ROBO1: variants seen among roughly 807,000 people sequenced by gnomAD.
ROBO1 encodes roundabout guidance receptor 1.
ROBO1 carries 149 observed loss-of-function variants against 195.9 expected under a neutral mutation model. The observed-to-expected ratio is 0.76, with a 90% CI of 0.67 to 0.87. ROBO1 has a LOEUF of 0.87. ROBO1 is among the 40% of genes least tolerant of loss of function. ROBO1 has a pLI of 0.00. For missense variants in ROBO1, 1,933 were observed against 2,068.3 expected (o/e 0.93, Z 1.27); for synonymous variants, 816 against 733.2 (o/e 1.11, Z -1.82).
intron 2 of ROBO1, among the ~76,000 whole-genome samples, chr3:79,323,429 A>T (rs902917788): frequency 2.0e-5 from 3 of 152,140 alleles, no homozygotes; most frequent in African/African-American, 7.2e-5. Context: ...GAGGTGATAT[A>T]TCTGCACTAA....
intron 3 of ROBO1, chr3:79,018,675 T>C (rs2078019642): frequency 7.3e-7 from 1 of 1,378,420 alleles, no homozygotes; most frequent in Non-Finnish European, 9.4e-7. Flanking sequence ...CCAAGGTTTG[T>C]CTTCTCCGGC....
At chr3:79,424,112 G>T (rs1309629075) in intron 2 of ROBO1, among the ~76,000 whole-genome samples, 1 of 152,070 alleles carries the variant, frequency 6.6e-6, no homozygotes, top group Non-Finnish European at 1.5e-5. Context: ...ATGGCTGCAT[G>T]CGGGTAAAGA....
chr3:79,606,853 G>A (rs1944502335), intron 1 of ROBO1, among the ~76,000 whole-genome samples: 1 of 151,786 alleles, frequency 6.6e-6, no homozygotes, highest in Non-Finnish European at 1.5e-5. Flanking sequence ...AAAAGATTAT[G>A]TATTCCTGAA....
Position 78,884,117 on chromosome 3 carries a change from C to T in ROBO1, c.499+54484G>A, listed in dbSNP as rs138623553. On this transcript the variant is annotated intron_variant, in intron 4 of 30. Transcript: ENST00000464233. The stretch of plus-strand genomic sequence containing the variant: ...GCTGACACATGGTAGCCACTCAATA[C>T]ATTTTTTAAAAAATGAACAGTTAGA... Among the ~76,000 whole-genome samples, 939 of 152,178 alleles carry T rather than the reference C, an allele frequency of 6.2e-3. 11 individuals are homozygous for T. Among genetic ancestry groups the T allele is most frequent in the Middle Eastern group, 0.034 (10 of 294 alleles).
At chr3:79,181,988 A>C (rs1447864391) in intron 2 of ROBO1, among the ~76,000 whole-genome samples, 1 of 150,154 alleles carries the variant, frequency 6.7e-6, no homozygotes, top group African/African-American at 2.4e-5. Flanking sequence ...TATATATTTT[A>C]TTCACTTTTA....
intron 3 of ROBO1, among the ~76,000 whole-genome samples, chr3:79,001,559 G>A (rs1282791561): frequency 6.6e-6 from 1 of 152,156 alleles, no homozygotes; most frequent in East Asian, 1.9e-4. Flanking sequence ...CCCAGTAAAG[G>A]TTATATAAAT....
At chr3:79,310,203 G>T (rs1472115893) in intron 2 of ROBO1, among the ~76,000 whole-genome samples, 1 of 152,150 alleles carries the variant, frequency 6.6e-6, no homozygotes, top group Admixed American at 6.6e-5. Flanking sequence ...TAACATGTCT[G>T]TCTTAATTAG....
chr3:79,410,541 A>C (rs959402930), intron 2 of ROBO1, among the ~76,000 whole-genome samples: 1 of 152,046 alleles, frequency 6.6e-6, no homozygotes, highest in Admixed American at 6.6e-5. Context: ...TATCAGACCT[A>C]TAGACATGCC....
At chr3:79,736,610 C>T (rs1366923579) in intron 1 of ROBO1, among the ~76,000 whole-genome samples, 2 of 152,082 alleles carry the variant, frequency 1.3e-5, no homozygotes, top group African/African-American at 4.8e-5. Flanking sequence ...GGGTGTACCT[C>T]CTCAAAGTTT....
At chr3:78,616,427 A>G (rs912621843) in intron 27 of ROBO1, among the ~76,000 whole-genome samples, 4 of 152,168 alleles carry the variant, frequency 2.6e-5, no homozygotes, top group African/African-American at 9.6e-5. Flanking sequence ...CAAAATAAAT[A>G]TATATTCTAC....
At chr3:78,626,948 T>A (rs1156411028) in intron 26 of ROBO1, among the ~76,000 whole-genome samples, 2 of 152,186 alleles carry the variant, frequency 1.3e-5, no homozygotes, top group Admixed American at 1.3e-4. Context: ...AAAATCTGTT[T>A]TCTGCTGACC....
At chr3:78,858,025 A>G (rs1327862425) in intron 4 of ROBO1, among the ~76,000 whole-genome samples, 4 of 152,174 alleles carry the variant, frequency 2.6e-5, no homozygotes, top group Non-Finnish European at 5.9e-5. Flanking sequence ...TATATTGTCA[A>G]GATTTGAGAC....
chr3:79,335,218 A>G (rs569266830), intron 2 of ROBO1, among the ~76,000 whole-genome samples: 54 of 152,340 alleles, frequency 3.5e-4, no homozygotes, highest in Non-Finnish European at 2.2e-4. Context: ...TACTACATAT[A>G]CTACATATAT....
At chr3:79,335,425 G>A (rs2034625043) in intron 2 of ROBO1, among the ~76,000 whole-genome samples, 1 of 152,072 alleles carries the variant, frequency 6.6e-6, no homozygotes, top group Admixed American at 6.6e-5. Flanking sequence ...ATTGAATCAT[G>A]GGGACAGTTT....
intron 2 of ROBO1, among the ~76,000 whole-genome samples, chr3:79,275,462 G>T (rs1420224817): frequency 6.6e-6 from 1 of 151,738 alleles, no homozygotes; most frequent in Non-Finnish European, 1.5e-5. Context: ...AAAAAACTGG[G>T]TATAGATGTG....
At chr3:79,626,484 T>C (rs975137154) in intron 1 of ROBO1, among the ~76,000 whole-genome samples, 1 of 152,080 alleles carries the variant, frequency 6.6e-6, no homozygotes, top group African/African-American at 2.4e-5. Flanking sequence ...AAACTAGGTA[T>C]TGATGGACCA....
intron 2 of ROBO1, among the ~76,000 whole-genome samples, chr3:79,526,744 G>A (rs577226655): frequency 2.0e-5 from 3 of 152,096 alleles, no homozygotes; most frequent in Admixed American, 1.3e-4. Flanking sequence ...TAGCTTTTTC[G>A]ACTTTTAAGG....
At chr3:79,308,129 A>G (rs1256268368) in intron 2 of ROBO1, among the ~76,000 whole-genome samples, 1 of 152,140 alleles carries the variant, frequency 6.6e-6, no homozygotes, top group Non-Finnish European at 1.5e-5. Context: ...AACATGTTAC[A>G]TTATTATATT....
At chr3:78,631,619 A>T (rs1314501719) in intron 24 of ROBO1, among the ~76,000 whole-genome samples, 1 of 152,216 alleles carries the variant, frequency 6.6e-6, no homozygotes, top group African/African-American at 2.4e-5. Flanking sequence ...TGAGCTGTAG[A>T]TATATTTTCT....
Sources: allele counts gnomAD v4.1 joint callset (sites outside exome capture counted in the v4.1 genomes callset), GRCh38; gene constraint gnomAD v4.1.1; transcripts MANE v1.5; gene names NCBI Gene and HGNC (gene_info 2026-07-23, HGNC 2026-07-21).